Variants in TTC1 observed in about 807,000 individuals in gnomAD.
The protein encoded by TTC1 is tetratricopeptide repeat protein 1.
A neutral mutation model predicts 37.6 loss-of-function variants in TTC1; 31 were observed. The ratio of observed to expected loss-of-function variants is 0.82; its 90% confidence interval spans 0.62 to 1.11. The LOEUF (loss-of-function observed/expected upper bound fraction) is 1.11, where lower values mean the gene tolerates loss of function less well. Among genes scored for constraint, TTC1 ranks in the 50% most tolerant of loss-of-function variants. The pLI, the probability that TTC1 is intolerant of heterozygous loss-of-function variation, is 0.00. For missense variants in TTC1, 351 were observed against 339.0 expected (o/e 1.04, Z -0.28); for synonymous variants, 127 against 122.4 (o/e 1.04, Z -0.25).
At chr5:160,038,770 C>T (rs1267974851) in intron 4 of TTC1, 1 of 146,950 alleles carries the variant, frequency 6.8e-6, no homozygotes, top group Non-Finnish European at 1.5e-5. Context: ...TCAAGCGATT[C>T]TCCTGCCTCA....
chr5:160,027,454 T>C (rs1756827444), intron 2 of TTC1, among the ~76,000 whole-genome samples: 1 of 152,262 alleles, frequency 6.6e-6, no homozygotes, highest in African/African-American at 2.4e-5. Context: ...CAATATATGT[T>C]GTAAACCTAA....
At position 160,047,170 on chromosome 5, in the gene TTC1, T is replaced by G. The variant is rs1757275321; in HGVS notation, c.542-2344T>G. 3.3e-5 allele frequency among the ~76,000 whole-genome samples: 5 copies of G among 152,330 alleles called. No homozygotes were observed. The South Asian group carries it at 1.0e-3, about 32-fold the overall frequency. On this transcript the variant is annotated intron_variant, in intron 5 of 7. Coordinates refer to ENST00000231238, the MANE Select transcript of TTC1 (RefSeq NM_003314.3). Reference sequence around the variant, plus strand: ...CTGTCTTCAACTCTGACTTCTACCCTGTAGTCTAGTGTCCTGTATCCCACT... The same window carrying G: ...CTGTCTTCAACTCTGACTTCTACCCGGTAGTCTAGTGTCCTGTATCCCACT...
At chr5:160,025,803 T>A (rs1756793276) in intron 2 of TTC1, among the ~76,000 whole-genome samples, 1 of 152,162 alleles carries the variant, frequency 6.6e-6, no homozygotes, top group African/African-American at 2.4e-5. Context: ...AGGGTCTAGC[T>A]TCGTTGCCAG....
chr5:160,046,562 A>T (rs1165587671), intron 5 of TTC1, among the ~76,000 whole-genome samples: 1 of 152,156 alleles, frequency 6.6e-6, no homozygotes, highest in Admixed American at 6.5e-5. Context: ...TCTATAAATT[A>T]GCACAATGTA....
chr5:160,043,091 T>C, intron 4 of TTC1, 42 bp from the exon 5 acceptor site: 1 of 1,605,106 alleles, frequency 6.2e-7, no homozygotes, highest in Non-Finnish European at 8.5e-7. Context: ...GCCATTAAGA[T>C]AAAACTAGGG....
intron 2 of TTC1, among the ~76,000 whole-genome samples, chr5:160,018,668 A>G (rs1756647829): frequency 1.3e-5 from 2 of 152,176 alleles, no homozygotes; most frequent in South Asian, 2.1e-4. Flanking sequence ...GTGCAGAAGG[A>G]AACAGATGGA....
chr5:160,039,449 A>G (rs1757050821), intron 4 of TTC1, among the ~76,000 whole-genome samples: 1 of 152,020 alleles, frequency 6.6e-6, no homozygotes, highest in Non-Finnish European at 1.5e-5. Flanking sequence ...ATTATGAAAG[A>G]ATGGTAAAGT....
intron 7 of TTC1, among the ~76,000 whole-genome samples, chr5:160,061,212 C>G (rs1197043861): frequency 6.6e-6 from 1 of 152,240 alleles, no homozygotes. Context: ...GACAGCACCT[C>G]TGTCTCATAT....
At chr5:160,037,280 AG>A (rs1380934313) in intron 4 of TTC1, among the ~76,000 whole-genome samples, 1 of 152,248 alleles carries the variant, frequency 6.6e-6, no homozygotes, top group Admixed American at 6.5e-5. Context: ...CTGGGATAAA[AG>A]GTACCCTTAA....
chr5:160,060,833 G>T (rs1021817316), intron 7 of TTC1, among the ~76,000 whole-genome samples: 23 of 152,160 alleles, frequency 1.5e-4, no homozygotes, highest in Non-Finnish European at 2.9e-4. Flanking sequence ...ATACTGTTTT[G>T]CCCTGTTCTT....
intron 7 of TTC1, among the ~76,000 whole-genome samples, chr5:160,058,616 G>A (rs4388243): frequency 0.6 from 91,474 of 151,658 alleles, 27,562 homozygotes; most frequent in East Asian, 0.62. Flanking sequence ...TTTCACCGTG[G>A]TAGCCAGGAT....
intron 5 of TTC1, among the ~76,000 whole-genome samples, chr5:160,046,631 A>G (rs771097108): frequency 6.6e-5 from 10 of 152,238 alleles, no homozygotes; most frequent in Non-Finnish European, 1.2e-4. Context: ...TGTTTATGTT[A>G]TATACCATAA....
chr5:160,027,228 C>T (rs1381762766), intron 2 of TTC1, among the ~76,000 whole-genome samples: 2 of 151,924 alleles, frequency 1.3e-5, no homozygotes, highest in East Asian at 1.9e-4. Flanking sequence ...GGGGTTTTGC[C>T]GTGTTGCCTA....
intron 4 of TTC1, among the ~76,000 whole-genome samples, chr5:160,039,373 ATT>A (rs987956659): frequency 4.7e-5 from 7 of 148,004 alleles, no homozygotes; most frequent in African/African-American, 1.8e-4. Flanking sequence ...TGCTGTGTAC[ATT>A]TGTTTTGTCA....
At chr5:160,042,908 G>T (rs746669782) in intron 4 of TTC1, among the ~76,000 whole-genome samples, 2 of 152,194 alleles carry the variant, frequency 1.3e-5, no homozygotes, top group African/African-American at 4.8e-5. Context: ...AGAAAAAAGC[G>T]ACTTGAATAA....
chr5:160,029,873 A>G (rs1270530573), intron 2 of TTC1, among the ~76,000 whole-genome samples: 1 of 152,206 alleles, frequency 6.6e-6, no homozygotes, highest in Non-Finnish European at 1.5e-5. Context: ...TAGAGAACTC[A>G]GTACCTGGAG....
chr5:160,034,891 TAGAA>T (rs879726786), intron 2 of TTC1, among the ~76,000 whole-genome samples: 2 of 152,164 alleles, frequency 1.3e-5, no homozygotes, highest in Non-Finnish European at 2.9e-5. Context: ...GATAGAAACA[TAGAA>T]AGCAAAGGAC....
intron 6 of TTC1, among the ~76,000 whole-genome samples, chr5:160,050,134 G>A (rs1458008639): frequency 6.6e-6 from 1 of 151,808 alleles, no homozygotes; most frequent in African/African-American, 2.4e-5. Context: ...GGGCAACAGA[G>A]TAAGACTTTG....
chr5:160,010,543 A>G lies in TTC1; in HGVS notation c.15A>G (p.Ser5=), dbSNP rs142138536. The G allele has an allele frequency of 1.2e-6, 2 of 1,613,170 alleles. No homozygotes were observed. Among genetic ancestry groups the G allele is most frequent in the Non-Finnish European group, 1.7e-6 (2 of 1,179,336 alleles). The change falls in exon 2 of 8, where the codon TCA becomes TCG. Residue 5 remains serine, a synonymous_variant. Coordinates refer to ENST00000231238, the MANE Select transcript of TTC1 (RefSeq NM_003314.3). MGEK[S]ENCGVPEDLL... The stretch of plus-strand genomic sequence containing the variant: ...CACTGGGCAGCATGGGGGAGAAGTC[A>G]GAGAACTGTGGGGTTCCAGAGGATC...
Sources: allele counts gnomAD v4.1 joint callset (sites outside exome capture counted in the v4.1 genomes callset), GRCh38; gene constraint gnomAD v4.1.1; transcripts MANE v1.5; gene names NCBI Gene and HGNC (gene_info 2026-07-23, HGNC 2026-07-21).